The following RPA2 variants were observed in gnomAD, a reference collection of about 807,000 sequenced individuals.
The protein encoded by RPA2 is replication protein A 32 kDa subunit.
RPA2 carries 22 observed loss-of-function variants against 33.4 expected under a neutral mutation model. That is an observed-to-expected ratio of 0.66 (90% CI 0.47 to 0.94). The LOEUF is 0.94. Among genes scored for constraint, RPA2 ranks in the 40% least tolerant of loss-of-function variants. RPA2 has a pLI of 0.00. For synonymous variants in RPA2, 109 were observed against 114.9 expected (o/e 0.95, Z 0.33); for missense variants, 279 against 329.9 (o/e 0.85, Z 1.19).
intron 4 of RPA2, among the ~76,000 whole-genome samples, chr1:27,902,743 A>ATT: frequency 6.6e-6 from 1 of 151,774 alleles, no homozygotes; most frequent in South Asian, 2.1e-4. Context: ...CAGGAGTTTG[A>ATT]GACCAGCCTA....
chr1:27,896,321 T>C (rs769069730), intron 6 of RPA2, among the ~76,000 whole-genome samples: 13 of 152,088 alleles, frequency 8.5e-5, no homozygotes, highest in Non-Finnish European at 1.5e-4. Flanking sequence ...GCCTTCCAAG[T>C]AGCCCATCTA....
At chr1:27,906,830 T>C (rs2090034653) in intron 4 of RPA2, 98 bp downstream of exon 4, 1 of 766,398 alleles carries the variant, frequency 1.3e-6, no homozygotes. Flanking sequence ...TGTCTTTTTG[T>C]ATTATTTTTA....
At chr1:27,899,501 CA>C (rs1296911678) in intron 4 of RPA2, among the ~76,000 whole-genome samples, 22 of 46,704 alleles carry the variant, frequency 4.7e-4, no homozygotes, top group Admixed American at 2.8e-3. Context: ...GACTCTATCT[CA>C]AAAAAAAAAA....
intron 2 of RPA2, among the ~76,000 whole-genome samples, chr1:27,909,180 T>C (rs1421967694): frequency 6.6e-6 from 1 of 152,148 alleles, no homozygotes; most frequent in African/African-American, 2.4e-5. Flanking sequence ...CAAGAGGAAG[T>C]GGACCAATAC....
chr1:27,896,725 A>G (rs959192888), intron 6 of RPA2, among the ~76,000 whole-genome samples: 1 of 152,142 alleles, frequency 6.6e-6, no homozygotes, highest in African/African-American at 2.4e-5. Flanking sequence ...GCTATATAAG[A>G]GCTAAGAGCC....
rs969142099 is a variant in RPA2, at chr1:27,905,333, G to A, written c.333+1595C>T. Among the ~76,000 whole-genome samples, 18 of 152,074 alleles carry A rather than the reference G, an allele frequency of 1.2e-4. No homozygotes were observed. In the East Asian group the frequency reaches 2.1e-3, roughly 18 times the overall value. On this transcript the variant is annotated intron_variant, in intron 4 of 8. Coordinates refer to ENST00000373912, the MANE Select transcript of RPA2 (RefSeq NM_002946.5). The stretch of plus-strand genomic sequence containing the variant: ...TTTTGAGACAGAGTCTTGCTCTGTC[G>A]CCCAGGCTGGAGTGCAGTGGCATGA...
In RPA2 at chr1:27,907,712, G is replaced by T. The variant is rs141718778; in HGVS notation, c.118-430C>A. On this transcript the variant is annotated intron_variant, in intron 2 of 8. Transcript: ENST00000373912. The stretch of plus-strand genomic sequence containing the variant: ...GTTTGAGAAATGACTAATGGAGACA[G>T]GACTTTGGAATTGCTTGTAGGTCTT... 2.0e-5 allele frequency among the ~76,000 whole-genome samples: 3 copies of T among 152,276 alleles called. No individual in the cohort carries two copies. In the East Asian group the frequency reaches 5.8e-4, roughly 29 times the overall value.
rs2089824465 is a variant in RPA2 at position 27,891,651 on chromosome 1, A to G, written c.*512T>C. On this transcript the variant is annotated 3_prime_UTR_variant, in exon 9 of 9. Transcript: ENST00000373912. ...CACTACCGCAGAACTTCATGTTCAC[A>G]GAAACACACGTCATGGCAAGTGTGT... 1 of 152,900 alleles carries G rather than the reference A, an allele frequency of 6.5e-6. No individual in the cohort carries two copies. The highest frequency in any genetic ancestry group is 6.5e-5 in the Admixed American group (1 of 15,372). 9.5% of individuals were successfully genotyped at this position (152,900 alleles called of 1,614,324 possible). A position where few individuals can be genotyped will look rare whatever the true frequency, so the allele number is the denominator to read the frequency against.
At chr1:27,905,019 A>C (rs1168471227) in intron 4 of RPA2, among the ~76,000 whole-genome samples, 1 of 152,238 alleles carries the variant, frequency 6.6e-6, no homozygotes, top group African/African-American at 2.4e-5. Flanking sequence ...CAAAACACCA[A>C]GAGGCCTTCT....
At chr1:27,899,501 C>CA (rs1296911678) in intron 4 of RPA2, among the ~76,000 whole-genome samples, 52 of 46,266 alleles carry the variant, frequency 1.1e-3, no homozygotes, top group South Asian at 2.4e-3. Flanking sequence ...GACTCTATCT[C>CA]AAAAAAAAAA....
Position 27,907,050 on chromosome 1 carries a change from G to GA in RPA2, c.220-10dup. ...ATCCCCACAATAGTGACCTAGGTTA[G>GA]AAGAAACAAAGAAAAAAAAAAAAGG... On this transcript the variant is annotated splice_polypyrimidine_tract_variant and intron_variant, in intron 3 of 8. Coordinates refer to ENST00000373912, the MANE Select transcript of RPA2 (RefSeq NM_002946.5). 6.3e-7 allele frequency: 1 copy of GA among 1,575,234 alleles called. No homozygotes were observed. The highest frequency in any genetic ancestry group is 2.0e-5 in the Admixed American group (1 of 51,146).
At chr1:27,901,014 A>G (rs1487710469) in intron 4 of RPA2, among the ~76,000 whole-genome samples, 1 of 152,214 alleles carries the variant, frequency 6.6e-6, no homozygotes, top group Non-Finnish European at 1.5e-5. Flanking sequence ...GAACATTGTT[A>G]AAACGACAAT....
Position 27,894,341 on chromosome 1 carries a change from A to C in RPA2, c.582T>G (p.Phe194Leu), listed in dbSNP as rs2089863803. Residue 194 changes from phenylalanine to leucine, a missense_variant, in exon 7 of 9, where the codon TTT (phenylalanine) becomes TTG (leucine). Physicochemically the swap from Phe to Leu is conservative, Grantham distance 22. Transcript: ENST00000373912. ...SNPGMSEAGN[F>L]GGNSFMPANG... ...TTGCTGGCATGAAGCTATTCCCACC[A>C]AAGTTCCCTGCTTCACTCATTCCTG... 1.2e-6 allele frequency: 2 copies of C among 1,614,010 alleles called. No homozygotes were observed. The highest frequency in any genetic ancestry group is 1.7e-6 in the Non-Finnish European group (2 of 1,180,044).
chr1:27,907,648 G>A (rs1246623503), intron 2 of RPA2, among the ~76,000 whole-genome samples: 1 of 152,122 alleles, frequency 6.6e-6, no homozygotes, highest in East Asian at 1.9e-4. Flanking sequence ...TGGTGCTGCT[G>A]TTCAGGTCAC....
Position 27,907,146 on chromosome 1 carries a change from GAGTA to G in RPA2, c.219+31_219+34del, listed in dbSNP as rs781327933. The G allele has an allele frequency of 1.6e-5, 25 of 1,591,768 alleles. No individual in the cohort carries two copies. The East Asian group carries it at 1.8e-4, about 11-fold the overall frequency. On this transcript the variant is annotated intron_variant, in intron 3 of 8. Transcript: ENST00000373912. ...GAAGTCTTATTTCATTCTTTATTATGAGTAAGTGATTCTTTCACAAATTATTTGA... is the reference window on the plus strand; with the variant it reads ...GAAGTCTTATTTCATTCTTTATTATGAGTGATTCTTTCACAAATTATTTGA...
At position 27,914,134 on chromosome 1, in the gene RPA2, C is replaced by T. The variant is rs148430221; in HGVS notation, c.46G>A (p.Gly16Arg). 2 of 1,612,812 alleles carry T rather than the reference C, an allele frequency of 1.2e-6. No homozygotes were observed. Among genetic ancestry groups the T allele is most frequent in the African/African-American group, 2.7e-5 (2 of 74,608 alleles). Residue 16 changes from glycine to arginine, a missense_variant, in exon 2 of 9, where the codon GGA (glycine) becomes AGA (arginine). Transcript: ENST00000373912. ...GGGGACTGCGTGTAGCCGCCGGCTCCCCCGTATGAGGAGCTGCCATAGCTT... is the reference window on the plus strand; with the variant it reads ...GGGGACTGCGTGTAGCCGCCGGCTCTCCCGTATGAGGAGCTGCCATAGCTT... ...FESYGSSSYG[G>R]AGGYTQSPGG...
At chr1:27,904,811 C>G (rs2090008359) in intron 4 of RPA2, among the ~76,000 whole-genome samples, 1 of 151,908 alleles carries the variant, frequency 6.6e-6, no homozygotes, top group South Asian at 2.1e-4. Context: ...TTACAGGCAC[C>G]CAGCTCATTT....
chr1:27,898,436 C>T (rs2089919074), intron 4 of RPA2, among the ~76,000 whole-genome samples: 1 of 152,034 alleles, frequency 6.6e-6, no homozygotes, highest in South Asian at 2.1e-4. Context: ...TGGGACAATA[C>T]ACACTAAACT....
chr1:27,899,444 G>A (rs2089936030), intron 4 of RPA2, among the ~76,000 whole-genome samples: 1 of 147,162 alleles, frequency 6.8e-6, no homozygotes, highest in African/African-American at 2.5e-5. Context: ...GGCAGAGGTT[G>A]CAGTGAGAGA....
Sources: allele counts gnomAD v4.1 joint callset (sites outside exome capture counted in the v4.1 genomes callset), GRCh38; gene constraint gnomAD v4.1.1; transcripts MANE v1.5; gene names NCBI Gene and HGNC (gene_info 2026-07-23, HGNC 2026-07-21).